The following PKHD1L1 variants were observed in gnomAD, a reference collection of about 807,000 sequenced individuals.
PKHD1L1 encodes fibrocystin-L.
In PKHD1L1, 434 loss-of-function variants were observed where a neutral mutation model predicts 462.9. The ratio of observed to expected loss-of-function variants is 0.94; its 90% CI spans 0.87 to 1.02. The LOEUF (loss-of-function observed/expected upper bound fraction) is 1.02. PKHD1L1 is among the 50% of genes least tolerant of loss of function. The probability of loss-of-function intolerance (pLI) is 0.00; values close to 1 mark genes in which losing one functional copy is unlikely to be tolerated. For synonymous variants in PKHD1L1, 1,781 were observed against 1,750.0 expected (o/e 1.02, Z -0.44); for missense variants, 5,202 against 5,096.1 (o/e 1.02, Z -0.63).
intron 3 of PKHD1L1, among the ~76,000 whole-genome samples, chr8:109,382,149 G>A (rs528872347): frequency 6.6e-5 from 10 of 152,098 alleles, no homozygotes; most frequent in Admixed American, 5.3e-4. Context: ...TGATTGTACC[G>A]AGGTGATATG....
At chr8:109,512,508 A>T (rs991590044) in intron 71 of PKHD1L1, among the ~76,000 whole-genome samples, 9 of 151,872 alleles carry the variant, frequency 5.9e-5, no homozygotes, top group Non-Finnish European at 1.0e-4. Flanking sequence ...ATAGTTGTAG[A>T]TATGCGGCAT....
At chr8:109,368,094 T>G (rs1232530819) in intron 2 of PKHD1L1, among the ~76,000 whole-genome samples, 1 of 152,230 alleles carries the variant, frequency 6.6e-6, no homozygotes. Context: ...GTAATTATAT[T>G]GGCTTTGTTA....
Position 109,440,893 on chromosome 8 carries a change from C to G in PKHD1L1, c.4099+41C>G, listed in dbSNP as rs1476873852. On this transcript the variant is annotated intron_variant, in intron 33 of 77. Transcript: ENST00000378402. ...ATAGGAAAGTGATTATCATTTTTCT[C>G]AGCTTAAAGGATATACTACAGGTGC... is the stretch of plus-strand genomic sequence containing the variant. The G allele has an allele frequency of 3.1e-6, 5 of 1,593,316 alleles. No homozygotes were observed. The South Asian group carries it at 5.7e-5, about 18-fold the overall frequency.
intron 32 of PKHD1L1, among the ~76,000 whole-genome samples, chr8:109,439,353 C>T (rs1473477572): frequency 6.6e-6 from 1 of 152,080 alleles, no homozygotes; most frequent in Non-Finnish European, 1.5e-5. Flanking sequence ...TTGATTCACT[C>T]AGGAAATGCA....
intron 29 of PKHD1L1, among the ~76,000 whole-genome samples, chr8:109,435,639 A>G (rs1815366605): frequency 6.6e-6 from 1 of 152,182 alleles, no homozygotes; most frequent in Admixed American, 6.5e-5. Context: ...TCAAGATAAG[A>G]TTTATTAGTT....
At chr8:109,396,212 A>T (rs903596660) in intron 11 of PKHD1L1, 75 bp downstream of exon 11, 1 of 1,042,896 alleles carries the variant, frequency 9.6e-7, no homozygotes, top group Admixed American at 2.2e-5. Context: ...TGTAATAATA[A>T]TAATAGTCTT....
intron 20 of PKHD1L1, among the ~76,000 whole-genome samples, chr8:109,412,800 G>A (rs1813928556): frequency 6.6e-6 from 1 of 152,108 alleles, no homozygotes; most frequent in African/African-American, 2.4e-5. Context: ...TCAGGGAGAA[G>A]TGAAACAAAA....
rs1231350682 is a variant in PKHD1L1, at chr8:109,435,308, T to A, written c.3459T>A (p.Tyr1153Ter). 6.2e-7 allele frequency: 1 copy of A among 1,613,832 alleles called. No individual in the cohort carries two copies. The highest frequency in any genetic ancestry group is 1.3e-5 in the African/African-American group (1 of 75,028). The change falls in exon 29 of 78, where the codon TAT (tyrosine) becomes TAA (stop). Residue 1153 changes from tyrosine (Y) to a stop codon, truncating the protein, a stop_gained. Transcript: ENST00000378402. LOFTEE classifies it high-confidence loss of function. ...NVGGEEFYFV[Y>*]QSQISHIWPD... ...GGGGTGAAGAGTTCTACTTTGTTTA[T>A]CAGAGTCAGATCTCACATATCTGGC...
intron 8 of PKHD1L1, among the ~76,000 whole-genome samples, chr8:109,389,588 C>T (rs145217402): frequency 0.024 from 3,597 of 150,814 alleles, 133 homozygotes; most frequent in African/African-American, 0.083. Context: ...AGTGCAGTGG[C>T]GTGATCTTGG....
chr8:109,402,246 C>T (rs529438137), intron 14 of PKHD1L1, among the ~76,000 whole-genome samples: 1 of 152,280 alleles, frequency 6.6e-6, no homozygotes, highest in African/African-American at 2.4e-5. Flanking sequence ...TCAAAAGATG[C>T]ATTTGCATCT....
chr8:109,519,975 A>C (rs1820464623), intron 73 of PKHD1L1, among the ~76,000 whole-genome samples: 1 of 152,112 alleles, frequency 6.6e-6, no homozygotes, highest in Non-Finnish European at 1.5e-5. Flanking sequence ...CATTTTCCCA[A>C]GAGGTTTGCT....
chr8:109,416,041 G>A (rs1288309764), intron 21 of PKHD1L1, among the ~76,000 whole-genome samples: 5 of 152,114 alleles, frequency 3.3e-5, no homozygotes, highest in East Asian at 1.9e-4. Context: ...TAAAGTGAGG[G>A]CAACTGTAGA....
chr8:109,450,004 C>G (rs1031273375), intron 40 of PKHD1L1, among the ~76,000 whole-genome samples: 4 of 152,140 alleles, frequency 2.6e-5, no homozygotes, highest in Non-Finnish European at 5.9e-5. Context: ...GGAATGATGT[C>G]TAGGACCATA....
Position 109,480,097 on chromosome 8 carries a change from T to C in PKHD1L1, c.9285T>C (p.Ser3095=). The change falls in exon 55 of 78, where the codon TCT becomes TCC. Residue 3095 remains serine (S), a synonymous_variant. Transcript: ENST00000378402. ...ACAATGTAGGAGCTGCAGAATCTTCTTACAGAGAAGTTGTTTTGAATGCTA... is the reference window on the plus strand; with the variant it reads ...ACAATGTAGGAGCTGCAGAATCTTCCTACAGAGAAGTTGTTTTGAATGCTA... The part of the protein sequence containing the change: ...DKYNVGAAES[S]YREVVLNATY... The C allele has an allele frequency of 6.3e-7, 1 of 1,578,644 alleles. No homozygotes were observed. The highest frequency in any genetic ancestry group is 8.6e-7 in the Non-Finnish European group (1 of 1,161,770).
At chr8:109,488,425 G>C (rs10091665) in intron 59 of PKHD1L1, among the ~76,000 whole-genome samples, 3,042 of 151,958 alleles carry the variant, frequency 0.02, 90 homozygotes, top group African/African-American at 0.062. Context: ...ACATGACTTA[G>C]TTTTCTAAGC....
In PKHD1L1 at chr8:109,461,754, T is replaced by C; in HGVS notation, c.7247-18T>C. ...TTCCGACAATTTTTTTAATGATGCT[T>C]TAAAAACTGTTTTGAAGGAGAATTT... On this transcript the variant is annotated intron_variant, in intron 47 of 77. Coordinates refer to ENST00000378402, the MANE Select transcript of PKHD1L1 (RefSeq NM_177531.6). 1 of 1,598,016 alleles carries C rather than the reference T, an allele frequency of 6.3e-7. No homozygotes were observed. Among genetic ancestry groups the C allele is most frequent in the Non-Finnish European group, 8.5e-7 (1 of 1,172,542 alleles).
At chr8:109,406,996 T>C (rs1168794303) in intron 17 of PKHD1L1, among the ~76,000 whole-genome samples, 1 of 152,292 alleles carries the variant, frequency 6.6e-6, no homozygotes, top group East Asian at 1.9e-4. Flanking sequence ...TATATTTCCA[T>C]CTTTTTTCAA....
chr8:109,430,939 A>G (rs1815062754), intron 27 of PKHD1L1, among the ~76,000 whole-genome samples: 1 of 150,974 alleles, frequency 6.6e-6, no homozygotes, highest in South Asian at 2.1e-4. Context: ...CTTTATGTTT[A>G]TATCCACTCT....
chr8:109,364,896 A>C (rs946227315), intron 2 of PKHD1L1, among the ~76,000 whole-genome samples: 1 of 152,184 alleles, frequency 6.6e-6, no homozygotes, highest in Non-Finnish European at 1.5e-5. Flanking sequence ...AAAGGAATGC[A>C]ATTAACCCAA....
Sources: gnomAD v4.1 joint callset for allele counts (sites outside exome capture counted in the v4.1 genomes callset) on GRCh38, gnomAD v4.1.1 for gene constraint, MANE v1.5 for transcripts, NCBI Gene and HGNC (gene_info 2026-07-23, HGNC 2026-07-21) for gene names.